RBFOX3: variants seen among roughly 807,000 people sequenced by gnomAD.
RBFOX3 encodes the protein RNA binding fox-1 homolog 3.
A neutral mutation model predicts 48.7 loss-of-function variants in RBFOX3; 17 were observed. That is an observed-to-expected ratio of 0.35 (90% CI 0.24 to 0.52). The LOEUF (loss-of-function observed/expected upper bound fraction) is 0.52, where lower values mean the gene tolerates loss of function less well. RBFOX3 is among the 20% of genes least tolerant of loss of function. The pLI is 0.94. For synonymous variants in RBFOX3, 212 were observed against 209.5 expected (o/e 1.01, Z -0.10); for missense variants, 382 against 497.5 (o/e 0.77, Z 2.21).
At chr17:79,143,837 G>A (rs2042438942) in intron 4 of RBFOX3, among the ~76,000 whole-genome samples, 1 of 152,352 alleles carries the variant, frequency 6.6e-6, no homozygotes, top group Non-Finnish European at 1.5e-5. Context: ...TTCAGTCGGT[G>A]AGGACCCCCG....
intron 1 of RBFOX3, among the ~76,000 whole-genome samples, chr17:79,581,510 T>C (rs1319534365): frequency 6.6e-6 from 1 of 152,244 alleles, no homozygotes; most frequent in Non-Finnish European, 1.5e-5. Context: ...CACTCACCGC[T>C]GCCATTTCCA....
Position 79,090,839 on chromosome 17 carries a change from T to C in RBFOX3, c.*44A>G. ...TTGTTTTGTGATTTTTTTTGTTTTT[T>C]TGTTTTTGCCCTTCATGGTCCGAGA... On this transcript the variant is annotated 3_prime_UTR_variant, in exon 15 of 15. Transcript: ENST00000693108. The C allele has an allele frequency of 6.6e-7, 1 of 1,509,418 alleles. No individual in the cohort carries two copies. The highest frequency in any genetic ancestry group is 1.3e-5 in the South Asian group (1 of 77,586). The allele number at this position is 1,509,418 out of a possible 1,614,324, so 93.5% of individuals were successfully genotyped here.
rs958896084 is a variant in RBFOX3 at position 79,166,848 on chromosome 17, C to T, written c.-33-51100G>A. On this transcript the variant is annotated intron_variant, in intron 4 of 14. Transcript: ENST00000693108. ...CAAAAACGGGTTTCTGGGATGGTTG[C>T]ACAACTGTGAATTCCTTAAAAGTCA... 1.3e-5 allele frequency among the ~76,000 whole-genome samples: 2 copies of T among 152,200 alleles called. 1 individual carries two copies. The highest frequency in any genetic ancestry group is 3.8e-4 in the East Asian group (2 of 5,198).
chr17:79,207,960 A>G (rs1453799420), intron 4 of RBFOX3, among the ~76,000 whole-genome samples: 3 of 152,170 alleles, frequency 2.0e-5, no homozygotes, highest in African/African-American at 7.2e-5. Flanking sequence ...TATGGGCCAC[A>G]AGTCCGGGAC....
At chr17:79,283,189 C>T (rs866395205) in intron 3 of RBFOX3, among the ~76,000 whole-genome samples, 19 of 151,644 alleles carry the variant, frequency 1.3e-4, no homozygotes, top group African/African-American at 4.4e-4. Context: ...TTCGTGGTTT[C>T]GTGTTCATAG....
chr17:79,215,362 G>A (rs953803428), intron 4 of RBFOX3, among the ~76,000 whole-genome samples: 1 of 152,228 alleles, frequency 6.6e-6, no homozygotes, highest in Non-Finnish European at 1.5e-5. Flanking sequence ...GACCGTGGTA[G>A]GAGACGCCTC....
At chr17:79,090,960 C>T (rs1055805368) in intron 14 of RBFOX3, 75 bp from the exon 15 acceptor site, 7 of 1,445,552 alleles carry the variant, frequency 4.8e-6, no homozygotes, top group Middle Eastern at 1.8e-4. Flanking sequence ...GACAGGACCA[C>T]GTGGCACGGG....
chr17:79,357,996 G>C (rs1432556469), intron 2 of RBFOX3, among the ~76,000 whole-genome samples: 1 of 151,600 alleles, frequency 6.6e-6, no homozygotes, highest in Non-Finnish European at 1.5e-5. Flanking sequence ...TCTGTCACTG[G>C]AGTACAGTGG....
At chr17:79,516,766 A>G (rs1436896224) in intron 1 of RBFOX3, among the ~76,000 whole-genome samples, 1 of 152,244 alleles carries the variant, frequency 6.6e-6, no homozygotes, top group Non-Finnish European at 1.5e-5. Flanking sequence ...ATGGACGGAC[A>G]GACGGATGGA....
At chr17:79,295,218 C>T (rs1048374715) in intron 3 of RBFOX3, among the ~76,000 whole-genome samples, 15 of 152,138 alleles carry the variant, frequency 9.9e-5, no homozygotes, top group Non-Finnish European at 2.2e-4. Context: ...AAATCCGCCT[C>T]GTGTGTCCTC....
At chr17:79,157,990 G>C (rs2046198310) in intron 4 of RBFOX3, among the ~76,000 whole-genome samples, 1 of 152,190 alleles carries the variant, frequency 6.6e-6, no homozygotes, top group African/African-American at 2.4e-5. Context: ...CTAACCCCTA[G>C]TACCTTAGAA....
At chr17:79,507,266 C>T (rs1482162165) in intron 1 of RBFOX3, among the ~76,000 whole-genome samples, 5 of 152,186 alleles carry the variant, frequency 3.3e-5, no homozygotes, top group East Asian at 1.9e-4. Context: ...GCACTGGCTG[C>T]GCCCACACCA....
chr17:79,658,233 C>T, the RBFOX3 span, among the ~76,000 whole-genome samples: 42 of 152,186 alleles, frequency 2.8e-4, no homozygotes, highest in African/African-American at 9.4e-4. Flanking sequence ...CCTAATTTAA[C>T]CAAGTGAAAT....
At chr17:79,515,160 C>T (rs911428468) in intron 1 of RBFOX3, among the ~76,000 whole-genome samples, 4 of 152,212 alleles carry the variant, frequency 2.6e-5, no homozygotes, top group Non-Finnish European at 4.4e-5. Flanking sequence ...GCAGAAGACC[C>T]TTTCCGGAGG....
chr17:79,322,259 G>GGA (rs56112605), intron 2 of RBFOX3, among the ~76,000 whole-genome samples: 95,746 of 151,168 alleles, frequency 0.63, 30,432 homozygotes, highest in Non-Finnish European at 0.65. Flanking sequence ...AGGAAAGAAG[G>GGA]GAGAGAGAGA....
chr17:79,187,802 C>A (rs1304885290), intron 4 of RBFOX3, among the ~76,000 whole-genome samples: 1 of 152,088 alleles, frequency 6.6e-6, no homozygotes, highest in Non-Finnish European at 1.5e-5. Context: ...ATGCCCCCAG[C>A]AGACACCACG....
At position 79,229,051 on chromosome 17, in the gene RBFOX3, A is replaced by C. The variant is rs147075385; in HGVS notation, c.-34+6715T>G. On this transcript the variant is annotated intron_variant, in intron 4 of 14. Transcript: ENST00000693108. ...AAGACCAGCTGGCCAATATGGTGAA[A>C]TCCCATCTCTACTAAAAATACAAAA... 2.7e-3 allele frequency among the ~76,000 whole-genome samples: 412 copies of C among 151,150 alleles called. 3 individuals carry two copies. The highest frequency in any genetic ancestry group is 0.014 in the Middle Eastern group (4 of 288).
chr17:79,090,731 G>A lies in RBFOX3; in HGVS notation c.*152C>T, dbSNP rs1258688521. 1.6e-5 allele frequency: 16 copies of A among 977,342 alleles called. No individual in the cohort carries two copies. The highest frequency in any genetic ancestry group is 7.1e-5 in the South Asian group (4 of 56,034). The allele number at this position is 977,342 out of a possible 1,614,324, so 60.5% of individuals were successfully genotyped here. A position where few individuals can be genotyped will look rare whatever the true frequency, so the allele number is the denominator to read the frequency against. On this transcript the variant is annotated 3_prime_UTR_variant, in exon 15 of 15. Transcript: ENST00000693108. ...CGGTGCGGGCGTGTGGCCAGGACGC[G>A]GGACTTGGACTTGGTTGGATGCCTC...
chr17:79,561,241 G>T (rs1160370866), intron 1 of RBFOX3, among the ~76,000 whole-genome samples: 4 of 152,206 alleles, frequency 2.6e-5, no homozygotes, highest in Admixed American at 2.0e-4. Flanking sequence ...GGGGGCTTAA[G>T]TTCACCACCG....
Sources: allele counts gnomAD v4.1 joint callset (sites outside exome capture counted in the v4.1 genomes callset), GRCh38; gene constraint gnomAD v4.1.1; transcripts MANE v1.5; gene names NCBI Gene and HGNC (gene_info 2026-07-23, HGNC 2026-07-21).